The following BCL2L11 variants were observed in gnomAD, a reference collection of about 807,000 sequenced individuals.
The protein encoded by BCL2L11 is BCL2 like 11.
BCL2L11 carries 15 observed loss-of-function variants against 20.6 expected under a neutral mutation model. The ratio of observed to expected loss-of-function variants is 0.73; its 90% CI spans 0.49 to 1.12. The LOEUF (loss-of-function observed/expected upper bound fraction) is 1.12. Ranked by LOEUF, BCL2L11 falls within the 50% of genes most tolerant of loss-of-function variation. The pLI, the probability that BCL2L11 is intolerant of heterozygous loss-of-function variation, is 0.00. For synonymous variants in BCL2L11, 108 were observed against 92.8 expected, an observed-to-expected ratio of 1.16 and a Z score of -0.94; for missense variants, 292 against 260.9, an observed-to-expected ratio of 1.12 and a Z score of -0.82.
chr2:111,143,838 G>A (rs557103426), intron 2 of BCL2L11, among the ~76,000 whole-genome samples: 2 of 152,280 alleles, frequency 1.3e-5, no homozygotes, highest in South Asian at 4.1e-4. Flanking sequence ...TAGTTTTTCT[G>A]ATGTTGAATG....
intron 2 of BCL2L11, among the ~76,000 whole-genome samples, chr2:111,126,805 C>T (rs1433585771): frequency 1.3e-5 from 2 of 152,172 alleles, no homozygotes; most frequent in African/African-American, 4.8e-5. Context: ...TTGGTTTGAA[C>T]TAGTGGAACA....
At chr2:111,135,866 C>T (rs188803982) in intron 2 of BCL2L11, among the ~76,000 whole-genome samples, 32 of 152,270 alleles carry the variant, frequency 2.1e-4, no homozygotes, top group Non-Finnish European at 2.6e-4. Context: ...CTAATGTAAC[C>T]CTGGGAGGGG....
chr2:111,126,910 G>A (rs1182989134), intron 2 of BCL2L11, among the ~76,000 whole-genome samples: 1 of 152,138 alleles, frequency 6.6e-6, no homozygotes, highest in African/African-American at 2.4e-5. Flanking sequence ...AGATCAGTGT[G>A]TCTTGAAGTT....
Position 111,166,332 on chromosome 2 carries a change from GTGTGC to G in BCL2L11, c.*2102_*2106del, listed in dbSNP as rs1237797493. ...CCCTGCCCTGTGCTGCCCAGGGGCT[GTGTGC>G]ACCACATGAGCACATTTCCCTCTGG... is the stretch of plus-strand genomic sequence containing the variant. On this transcript the variant is annotated 3_prime_UTR_variant, in exon 4 of 4. Transcript: ENST00000393256. The G allele has an allele frequency of 6.5e-6, 1 of 152,724 alleles. No individual in the cohort carries two copies. The highest frequency in any genetic ancestry group is 1.5e-5 in the Non-Finnish European group (1 of 68,066). 9.5% of individuals were successfully genotyped at this position (152,724 alleles called of 1,614,324 possible).
intron 2 of BCL2L11, among the ~76,000 whole-genome samples, chr2:111,149,120 C>T (rs113974401): frequency 4.5e-4 from 68 of 152,262 alleles, no homozygotes; most frequent in African/African-American, 1.6e-3. Flanking sequence ...TTCCTGTACA[C>T]GTTACTGAAC....
At chr2:111,148,833 T>C (rs1286694127) in intron 2 of BCL2L11, among the ~76,000 whole-genome samples, 2 of 152,238 alleles carry the variant, frequency 1.3e-5, no homozygotes, top group Non-Finnish European at 2.9e-5. Context: ...GGCAAGAGAT[T>C]GTAGAGGAAT....
intron 2 of BCL2L11, among the ~76,000 whole-genome samples, chr2:111,135,916 C>T (rs572800684): frequency 1.4e-4 from 22 of 152,324 alleles, no homozygotes; most frequent in African/African-American, 5.1e-4. Flanking sequence ...TTTGGCAGGG[C>T]AGCCGGATCA....
intron 2 of BCL2L11, among the ~76,000 whole-genome samples, chr2:111,143,519 T>A (rs2076117023): frequency 6.6e-6 from 1 of 152,206 alleles, no homozygotes; most frequent in South Asian, 2.1e-4. Context: ...GAAGTGGGGC[T>A]TAGAAGGGAA....
At chr2:111,150,305 T>G in intron 3 of BCL2L11, 158 bp downstream of exon 3, 1 of 1,425,748 alleles carries the variant, frequency 7.0e-7, no homozygotes, top group South Asian at 1.2e-5. Flanking sequence ...TTCCCATTTT[T>G]CATTTGTTTT....
intron 2 of BCL2L11, among the ~76,000 whole-genome samples, chr2:111,129,889 T>G (rs1187336850): frequency 2.0e-5 from 3 of 152,240 alleles, no homozygotes; most frequent in African/African-American, 7.2e-5. Context: ...TGAGATTGGC[T>G]TTTTTCACTT....
chr2:111,135,682 C>T (rs759477222), intron 2 of BCL2L11, among the ~76,000 whole-genome samples: 12 of 152,178 alleles, frequency 7.9e-5, no homozygotes, highest in Non-Finnish European at 1.6e-4. Context: ...CACTGGGTGC[C>T]CAGACACCCA....
At chr2:111,161,543 G>A (rs1206973251) in intron 3 of BCL2L11, 30 of 1,544,890 alleles carry the variant, frequency 1.9e-5, no homozygotes, top group African/African-American at 2.7e-5. Flanking sequence ...CTGATGATCC[G>A]CTTATGGGTG....
chr2:111,156,253 C>T (rs1401928429), intron 3 of BCL2L11, among the ~76,000 whole-genome samples: 2 of 152,146 alleles, frequency 1.3e-5, no homozygotes, highest in Non-Finnish European at 2.9e-5. Context: ...TGAAAAGAGT[C>T]GTGGAAATCT....
At chr2:111,133,596 C>T (rs1384176066) in intron 2 of BCL2L11, among the ~76,000 whole-genome samples, 2 of 152,068 alleles carry the variant, frequency 1.3e-5, no homozygotes, top group Admixed American at 6.5e-5. Flanking sequence ...TATTCTATTT[C>T]GGTTTACAAA....
At chr2:111,139,871 G>C (rs184819340) in intron 2 of BCL2L11, among the ~76,000 whole-genome samples, 173 of 152,328 alleles carry the variant, frequency 1.1e-3, no homozygotes, top group African/African-American at 3.6e-3. Flanking sequence ...TGCCAAGACA[G>C]GTGTGGCAAG....
In BCL2L11 at chr2:111,123,856, G is replaced by A; in HGVS notation, c.111G>A (p.Gln37=). The A allele has an allele frequency of 2.5e-6, 4 of 1,592,396 alleles. No individual in the cohort carries two copies. The highest frequency in any genetic ancestry group is 3.4e-6 in the Non-Finnish European group (4 of 1,169,256). The part of the protein sequence containing the change: ...QLRPGAPTSL[Q]TEPQGNPEGN... The stretch of plus-strand genomic sequence containing the variant: ...GACCTGGGGCCCCTACCTCCCTACA[G>A]ACAGAGCCACAAGGTAATCCTGAAG... The change falls in exon 2 of 4, where the codon CAG becomes CAA. Residue 37 remains glutamine, a synonymous_variant. Transcript: ENST00000393256.
chr2:111,143,383 C>T (rs1051349591), intron 2 of BCL2L11, among the ~76,000 whole-genome samples: 1 of 152,094 alleles, frequency 6.6e-6, no homozygotes, highest in Non-Finnish European at 1.5e-5. Context: ...CAGGGGATGT[C>T]ATACAAGGCA....
At chr2:111,122,838 G>A (rs1026114768) in intron 1 of BCL2L11, 65 of 985,180 alleles carry the variant, frequency 6.6e-5, no homozygotes, top group Non-Finnish European at 7.7e-5. Context: ...CGGTCAGGGG[G>A]CGCCCGGTCG....
At chr2:111,155,444 T>C (rs2077708895) in intron 3 of BCL2L11, among the ~76,000 whole-genome samples, 1 of 152,172 alleles carries the variant, frequency 6.6e-6, no homozygotes, top group South Asian at 2.1e-4. Flanking sequence ...ACTGGAAGGA[T>C]AGTGTCTACT....
Sources: allele counts gnomAD v4.1 joint callset (sites outside exome capture counted in the v4.1 genomes callset), GRCh38; gene constraint gnomAD v4.1.1; transcripts MANE v1.5; gene names NCBI Gene and HGNC (gene_info 2026-07-23, HGNC 2026-07-21).